PTDSS2: variants seen among roughly 807,000 people sequenced by gnomAD.
PTDSS2 encodes the protein phosphatidylserine synthase 2.
Under a neutral mutation model 64.7 loss-of-function variants are expected in PTDSS2, and 41 were observed. That is an observed-to-expected ratio of 0.63 (90% CI 0.49 to 0.82). PTDSS2 has a LOEUF of 0.82. PTDSS2 is among the 40% of genes least tolerant of loss of function. The probability of loss-of-function intolerance (pLI) is 0.00; values close to 1 mark genes in which losing one functional copy is unlikely to be tolerated. For missense variants in PTDSS2, 485 were observed against 650.0 expected (o/e 0.75, Z 2.76); for synonymous variants, 297 against 277.8 (o/e 1.07, Z -0.69).
intron 1 of PTDSS2, chr11:451,337 G>A: frequency 2.3e-6 from 1 of 438,700 alleles, no homozygotes; most frequent in South Asian, 1.6e-5. Context: ...CTGGAGTGTG[G>A]CACTCTGTGT....
rs769484423 is a variant in PTDSS2 at position 489,703 on chromosome 11, T to C, written c.1085T>C (p.Met362Thr). 7.5e-6 allele frequency: 12 copies of C among 1,607,006 alleles called. No individual in the cohort carries two copies. The highest frequency in any genetic ancestry group is 1.7e-5 in the Admixed American group (1 of 58,836). ...TTCGTGAACGTGGGTGGCGTGGCCA[T>C]GCGTGAGATCTACGACTTCATGGAT... The part of the protein sequence containing the change: ...VFFVNVGGVA[M>T]REIYDFMDDP... Residue 362 changes from methionine (M) to threonine (T), a missense_variant, in exon 10 of 12, where the codon ATG (methionine) becomes ACG (threonine). Met to Thr is a moderately conservative substitution (Grantham distance 81). Around this residue, in one of 3 missense-constraint regions of PTDSS2, gnomAD observed 219 missense variants for 257.3 expected, o/e 0.85. Coordinates refer to ENST00000308020, the MANE Select transcript of PTDSS2 (RefSeq NM_030783.3).
At position 461,426 on chromosome 11, in the gene PTDSS2, G is replaced by A. The variant is rs1206086923; in HGVS notation, c.284+1138G>A. Among the ~76,000 whole-genome samples the A allele has an allele frequency of 2.0e-5, 3 of 152,190 alleles. No individual in the cohort carries two copies. Among genetic ancestry groups the A allele is most frequent in the Non-Finnish European group, 4.4e-5 (3 of 68,028 alleles). ...AACTGAGTCCATCTCCCTGGGGGCA[G>A]TGGGGCATTTCTGGTTAGAAATTAC... On this transcript the variant is annotated intron_variant, in intron 2 of 11. Coordinates refer to ENST00000308020, the MANE Select transcript of PTDSS2 (RefSeq NM_030783.3). The surrounding 1 kb of genome is among the most constrained non-coding windows in gnomAD (Gnocchi z 4.2).
Position 460,487 on chromosome 11 carries a change from C to T in PTDSS2, c.284+199C>T. On this transcript the variant is annotated intron_variant, in intron 2 of 11. Transcript: ENST00000308020. This position sits in a 1 kb window ranked among gnomAD's most constrained non-coding sequence, Gnocchi z 5.8. Reference sequence around the variant, plus strand: ...GGTGCTGCGTGGCGTTCCCGGTCAGCCCCCGTCGCCTGTCACTGGGAGCCA... The same window carrying T: ...GGTGCTGCGTGGCGTTCCCGGTCAGTCCCCGTCGCCTGTCACTGGGAGCCA... 1.8e-6 allele frequency: 1 copy of T among 554,086 alleles called. No homozygotes were observed. The highest frequency in any genetic ancestry group is 2.2e-5 in the South Asian group (1 of 46,254). 34.3% of individuals were successfully genotyped at this position (554,086 alleles called of 1,614,324 possible).
chr11:485,369 G>A (rs1427197951), intron 4 of PTDSS2, among the ~76,000 whole-genome samples: 1 of 140,116 alleles, frequency 7.1e-6, no homozygotes. Flanking sequence ...TCTGTAAACA[G>A]TGCATGGGCA....
chr11:458,052 C>T (rs994988589), intron 1 of PTDSS2, among the ~76,000 whole-genome samples: 6 of 152,310 alleles, frequency 3.9e-5, no homozygotes, highest in Admixed American at 2.0e-4. Flanking sequence ...TTTGCTTTCA[C>T]GGTGACCAGT....
At position 470,847 on chromosome 11, in the gene PTDSS2, C is replaced by CA. The variant is rs541643442; in HGVS notation, c.285-3045dup. On this transcript the variant is annotated intron_variant, in intron 2 of 11. Transcript: ENST00000308020. This position sits in a 1 kb window ranked among gnomAD's most constrained non-coding sequence, Gnocchi z 5.3. ...TTGTGATCCGCCTGCCTCAGCCTCC[C>CA]AAAGTGCTGGGATTACAGGCGTGAG... 5.4e-3 allele frequency among the ~76,000 whole-genome samples: 819 copies of CA among 152,220 alleles called. 7 individuals carry two copies. Among genetic ancestry groups the CA allele is most frequent in the African/African-American group, 0.018 (762 of 41,522 alleles).
intron 4 of PTDSS2, among the ~76,000 whole-genome samples, chr11:485,086 C>CCG (rs200238743): frequency 2.4e-5 from 2 of 81,720 alleles, no homozygotes; most frequent in African/African-American, 6.1e-5. Flanking sequence ...CGTGTGCTTA[C>CCG]TGTGCACAGG....
chr11:485,220 C>G (rs978185964), intron 4 of PTDSS2, among the ~76,000 whole-genome samples: 1 of 132,670 alleles, frequency 7.5e-6, no homozygotes, highest in Non-Finnish European at 1.6e-5. Flanking sequence ...GCTCACTGTG[C>G]GCAGGCGAGT....
intron 4 of PTDSS2, among the ~76,000 whole-genome samples, chr11:483,984 G>T (rs1289615949): frequency 6.6e-6 from 1 of 152,228 alleles, no homozygotes; most frequent in African/African-American, 2.4e-5. Context: ...GGTGCAGCCT[G>T]CATGGAGGGA....
intron 3 of PTDSS2, 108 bp from the exon 4 acceptor site, chr11:478,977 G>T (rs1305860393): frequency 4.8e-6 from 4 of 828,892 alleles, no homozygotes; most frequent in Non-Finnish European, 4.2e-6. Context: ...CCTGTGAAGG[G>T]CCCAGAAGAG....
rs554227203 is a variant in PTDSS2, at chr11:460,492, G to A, written c.284+204G>A. ...TGCGTGGCGTTCCCGGTCAGCCCCC[G>A]TCGCCTGTCACTGGGAGCCAGGAGT... is the stretch of plus-strand genomic sequence containing the variant. On this transcript the variant is annotated intron_variant, in intron 2 of 11. Transcript: ENST00000308020. This position sits in a 1 kb window ranked among gnomAD's most constrained non-coding sequence, Gnocchi z 5.8. 2.2e-5 allele frequency: 12 copies of A among 551,090 alleles called. No individual in the cohort carries two copies. The highest frequency in any genetic ancestry group is 3.8e-5 in the African/African-American group (2 of 52,908). The allele number at this position is 551,090 out of a possible 1,614,324, so 34.1% of individuals were successfully genotyped here.
intron 7 of PTDSS2, 48 bp from the exon 8 acceptor site, chr11:488,481 G>A (rs770524752): frequency 2.6e-6 from 4 of 1,520,758 alleles, no homozygotes; most frequent in Non-Finnish European, 3.6e-6. Context: ...CTCCTCGGGG[G>A]GCTCGTTACC....
At chr11:477,870 G>A (rs1444131363) in intron 3 of PTDSS2, among the ~76,000 whole-genome samples, 1 of 152,262 alleles carries the variant, frequency 6.6e-6, no homozygotes, top group Admixed American at 6.5e-5. Context: ...GCGTGAGGAA[G>A]AAGTTTGTGA....
At position 462,106 on chromosome 11, in the gene PTDSS2, C is replaced by T. The variant is rs898448492; in HGVS notation, c.284+1818C>T. 6.6e-6 allele frequency among the ~76,000 whole-genome samples: 1 copy of T among 152,096 alleles called. No homozygotes were observed. The highest frequency in any genetic ancestry group is 2.4e-5 in the African/African-American group (1 of 41,414). ...GAGTGCAGGGGGTGTCTTGGGAGCA[C>T]TCCCCGAAAGCATTCACCAGGCCCC... On this transcript the variant is annotated intron_variant, in intron 2 of 11. Transcript: ENST00000308020. This position sits in a 1 kb window ranked among gnomAD's most constrained non-coding sequence, Gnocchi z 4.5.
rs772446754 is a variant in PTDSS2 at position 490,634 on chromosome 11, T to G, written c.*52T>G. On this transcript the variant is annotated 3_prime_UTR_variant, in exon 12 of 12. Coordinates refer to ENST00000308020, the MANE Select transcript of PTDSS2 (RefSeq NM_030783.3). Reference sequence around the variant, plus strand: ...TCCCAGAGCCCAGGCCTCCGTGGCCTCCTCCTGTGTGAGTCCCACCAGGAG... The same window carrying G: ...TCCCAGAGCCCAGGCCTCCGTGGCCGCCTCCTGTGTGAGTCCCACCAGGAG... 1.3e-5 allele frequency: 20 copies of G among 1,510,828 alleles called. No homozygotes were observed. The highest frequency in any genetic ancestry group is 9.7e-5 in the African/African-American group (7 of 72,360). The allele number at this position is 1,510,828 out of a possible 1,614,324, so 93.6% of individuals were successfully genotyped here.
In PTDSS2 at chr11:460,482, G is replaced by T; in HGVS notation, c.284+194G>T. On this transcript the variant is annotated intron_variant, in intron 2 of 11. Transcript: ENST00000308020. This position sits in a 1 kb window ranked among gnomAD's most constrained non-coding sequence, Gnocchi z 5.8. The stretch of plus-strand genomic sequence containing the variant: ...CCCTTGGTGCTGCGTGGCGTTCCCG[G>T]TCAGCCCCCGTCGCCTGTCACTGGG... The T allele has an allele frequency of 1.8e-6, 1 of 559,756 alleles. No homozygotes were observed. Among genetic ancestry groups the T allele is most frequent in the Non-Finnish European group, 3.2e-6 (1 of 310,480 alleles). The allele number at this position is 559,756 out of a possible 1,614,324, so 34.7% of individuals were successfully genotyped here. A position where few individuals can be genotyped will look rare whatever the true frequency, so the allele number is the denominator to read the frequency against.
chr11:486,214 G>A (rs1465212967), intron 4 of PTDSS2, among the ~76,000 whole-genome samples: 1 of 152,162 alleles, frequency 6.6e-6, no homozygotes, highest in Non-Finnish European at 1.5e-5. Context: ...TCTGGCTGAT[G>A]CCAGCGTCTG....
chr11:473,829 A>T, intron 2 of PTDSS2, 66 bp from the exon 3 acceptor site: 1 of 1,251,758 alleles, frequency 8.0e-7, no homozygotes, highest in Non-Finnish European at 1.2e-6. Flanking sequence ...GGGTCCCTGC[A>T]GCCTCCCACC....
chr11:488,412 G>C, intron 7 of PTDSS2, 100 bp downstream of exon 7: 2 of 1,305,034 alleles, frequency 1.5e-6, no homozygotes, highest in Admixed American at 1.7e-5. Flanking sequence ...CATTCTCCCC[G>C]GGGGGCAGTG....
Sources: allele counts gnomAD v4.1 joint callset (sites outside exome capture counted in the v4.1 genomes callset), GRCh38; gene constraint gnomAD v4.1.1; regional missense constraint gnomAD v4.1.1; non-coding constraint Gnocchi (gnomAD v3.1); transcripts MANE v1.5; gene names NCBI Gene and HGNC (gene_info 2026-07-23, HGNC 2026-07-21).